Variants in TAFA1 observed in about 807,000 individuals in gnomAD.
TAFA1 encodes TAFA chemokine like family member 1, also known as chemokine-like protein TAFA-1.
In TAFA1, 4 loss-of-function variants were observed where a neutral mutation model predicts 18.5. The ratio of observed to expected loss-of-function variants is 0.22; its 90% CI spans 0.11 to 0.49. The LOEUF (loss-of-function observed/expected upper bound fraction) is 0.49, where lower values mean the gene tolerates loss of function less well. TAFA1 is among the 20% of genes least tolerant of loss of function. The pLI is 0.98. For missense variants in TAFA1, 147 were observed against 169.0 expected, an observed-to-expected ratio of 0.87 and a Z score of 0.72; for synonymous variants, 56 against 55.2, an observed-to-expected ratio of 1.01 and a Z score of -0.06.
In TAFA1 at chr3:68,334,641, G is replaced by A. The variant is rs1011279077; in HGVS notation, c.119-82639G>A. On this transcript the variant is annotated intron_variant, in intron 2 of 4. Transcript: ENST00000478136. ...CAATCTCTGAACTGATACCAGTGCT[G>A]CTTGATCAGGTACCACATTTTGATT... Among the ~76,000 whole-genome samples, 18 of 152,080 alleles carry A rather than the reference G, an allele frequency of 1.2e-4. 1 individual carries two copies. The highest frequency in any genetic ancestry group is 7.7e-4 in the East Asian group (4 of 5,174).
intron 2 of TAFA1, among the ~76,000 whole-genome samples, chr3:68,238,891 T>C (rs1283477990): frequency 6.6e-6 from 1 of 152,186 alleles, no homozygotes; most frequent in African/African-American, 2.4e-5. Flanking sequence ...TAGATCAATA[T>C]TTAGGTTTGA....
intron 2 of TAFA1, among the ~76,000 whole-genome samples, chr3:68,401,933 G>C (rs1222711118): frequency 6.6e-6 from 1 of 152,194 alleles, no homozygotes; most frequent in Non-Finnish European, 1.5e-5. Flanking sequence ...CTGCTACAGA[G>C]TAGAAATAAC....
At chr3:68,474,565 T>C (rs2072056487) in intron 3 of TAFA1, among the ~76,000 whole-genome samples, 1 of 152,250 alleles carries the variant, frequency 6.6e-6, no homozygotes, top group African/African-American at 2.4e-5. Flanking sequence ...ACTTGGTCTC[T>C]AGTAACCTGA....
chr3:68,143,660 T>C (rs116092512), intron 2 of TAFA1, among the ~76,000 whole-genome samples: 2,240 of 152,210 alleles, frequency 0.015, 33 homozygotes, highest in Middle Eastern at 0.041. Context: ...AAGTGTTCCT[T>C]GGGTGGGGAA....
chr3:68,048,323 G>A (rs186626564), intron 2 of TAFA1, among the ~76,000 whole-genome samples: 9 of 152,114 alleles, frequency 5.9e-5, no homozygotes, highest in Non-Finnish European at 1.2e-4. Flanking sequence ...GAAAAAATTT[G>A]TGGGTAAGTA....
intron 3 of TAFA1, among the ~76,000 whole-genome samples, chr3:68,494,615 A>T (rs1034027594): frequency 2.0e-5 from 3 of 152,210 alleles, no homozygotes; most frequent in African/African-American, 7.2e-5. Flanking sequence ...ATCTTGGTTC[A>T]TGTAGTACTC....
rs554242192 is a variant in TAFA1, at chr3:68,082,018, C to T, written c.118+75274C>T. ...AGGTGCAGGATATAATCTCGTGGTG[C>T]GCTGTTTTTTAAGCCCATTGGAAAA... On this transcript the variant is annotated intron_variant, in intron 2 of 4. Coordinates refer to ENST00000478136, the MANE Select transcript of TAFA1 (RefSeq NM_213609.4). Among the ~76,000 whole-genome samples, 243 of 152,256 alleles carry T rather than the reference C, an allele frequency of 1.6e-3. 3 individuals are homozygous for T. The highest frequency in any genetic ancestry group is 5.3e-3 in the African/African-American group (220 of 41,552).
intron 2 of TAFA1, among the ~76,000 whole-genome samples, chr3:68,403,125 T>C (rs1278385366): frequency 2.0e-5 from 3 of 152,206 alleles, no homozygotes; most frequent in Non-Finnish European, 2.9e-5. Context: ...CTGTACTGGT[T>C]TGTAGCCTAG....
At chr3:68,065,754 A>G (rs1559723471) in intron 2 of TAFA1, among the ~76,000 whole-genome samples, 2 of 147,128 alleles carry the variant, frequency 1.4e-5, no homozygotes, top group South Asian at 2.2e-4. Context: ...ATATATATAT[A>G]TATATATATA....
chr3:68,175,061 C>T (rs1056673104), intron 2 of TAFA1, among the ~76,000 whole-genome samples: 1 of 152,202 alleles, frequency 6.6e-6, no homozygotes, highest in East Asian at 1.9e-4. Context: ...TTGGCAGCTT[C>T]CCCAAGGTGC....
At chr3:68,413,750 G>A (rs1006885959) in intron 2 of TAFA1, among the ~76,000 whole-genome samples, 3 of 152,082 alleles carry the variant, frequency 2.0e-5, no homozygotes, top group African/African-American at 7.2e-5. Context: ...GTTGGGGGCA[G>A]GGGGGTGAGG....
chr3:68,001,346 T>A (rs1704281511), upstream of TAFA1, among the ~76,000 whole-genome samples: 1 of 152,228 alleles, frequency 6.6e-6, no homozygotes, highest in East Asian at 1.9e-4. Flanking sequence ...ATGAGACTCC[T>A]ACATGAAGGT....
intron 2 of TAFA1, among the ~76,000 whole-genome samples, chr3:68,083,313 AT>A (rs1230265109): frequency 6.6e-6 from 1 of 152,236 alleles, no homozygotes; most frequent in East Asian, 1.9e-4. Flanking sequence ...TTAGGTGATA[AT>A]CACTTTTGCC....
At chr3:68,031,373 C>T (rs934446424) in intron 2 of TAFA1, among the ~76,000 whole-genome samples, 3 of 152,052 alleles carry the variant, frequency 2.0e-5, no homozygotes, top group Non-Finnish European at 4.4e-5. Flanking sequence ...GGGTGCTGTG[C>T]CAGCACTTAC....
chr3:68,188,878 T>C (rs886831281), intron 2 of TAFA1, among the ~76,000 whole-genome samples: 1 of 151,892 alleles, frequency 6.6e-6, no homozygotes, highest in Non-Finnish European at 1.5e-5. Context: ...GTTTGTTTGT[T>C]TTGGAGCTTT....
chr3:68,370,313 AAAAAAAAAATATATAT>A (rs2069659148), intron 2 of TAFA1, among the ~76,000 whole-genome samples: 2 of 55,580 alleles, frequency 3.6e-5, no homozygotes, highest in African/African-American at 1.6e-4. Flanking sequence ...AAAAAAAAAA[AAAAAAAAAATATATAT>A]ATATATATAT....
intron 2 of TAFA1, among the ~76,000 whole-genome samples, chr3:68,255,472 C>A (rs1321842784): frequency 6.6e-6 from 1 of 151,962 alleles, no homozygotes; most frequent in African/African-American, 2.4e-5. Flanking sequence ...TCTTAGTGTA[C>A]AATCAGTAAT....
At chr3:68,010,395 ATGG>A (rs1704448840) in intron 2 of TAFA1, among the ~76,000 whole-genome samples, 24 of 152,330 alleles carry the variant, frequency 1.6e-4, no homozygotes, top group Admixed American at 1.4e-3. Context: ...CCTCACCTGG[ATGG>A]CACCAGCCAG....
chr3:68,083,193 G>A (rs1224201853), intron 2 of TAFA1, among the ~76,000 whole-genome samples: 2 of 152,014 alleles, frequency 1.3e-5, no homozygotes, highest in African/African-American at 4.8e-5. Context: ...ATCAGAGAAG[G>A]GCTCTATCCA....
Sources: gnomAD v4.1 joint callset for allele counts (sites outside exome capture counted in the v4.1 genomes callset) on GRCh38, gnomAD v4.1.1 for gene constraint, MANE v1.5 for transcripts, NCBI Gene and HGNC (gene_info 2026-07-23, HGNC 2026-07-21) for gene names.